Variants in NDC1 observed in about 807,000 individuals in gnomAD.
NDC1 encodes the protein nucleoporin NDC1.
A neutral mutation model predicts 89.8 loss-of-function variants in NDC1; 24 were observed. The ratio of observed to expected loss-of-function variants is 0.27; its 90% CI spans 0.19 to 0.38. The LOEUF (loss-of-function observed/expected upper bound fraction) is 0.38. NDC1 is among the 10% of genes least tolerant of loss of function. The pLI is 1.00. For missense variants in NDC1, 728 were observed against 797.6 expected, an observed-to-expected ratio of 0.91 and a Z score of 1.05; for synonymous variants, 296 against 284.8, an observed-to-expected ratio of 1.04 and a Z score of -0.39.
chr1:53,770,242 T>G (rs1218319955), intron 17 of NDC1, among the ~76,000 whole-genome samples: 3 of 152,148 alleles, frequency 2.0e-5, no homozygotes, highest in African/African-American at 7.2e-5. Flanking sequence ...ATGGCTCTTT[T>G]CAGAGAAAAG....
intron 6 of NDC1, among the ~76,000 whole-genome samples, chr1:53,811,361 C>T (rs369074431): frequency 1.4e-4 from 21 of 152,126 alleles, no homozygotes; most frequent in African/African-American, 3.9e-4. Flanking sequence ...AGCTGGGAGG[C>T]GGGTAGCCCA....
At chr1:53,827,968 G>A (rs750875300) in intron 4 of NDC1, 31 bp downstream of exon 4, 16 of 1,526,012 alleles carry the variant, frequency 1.0e-5, no homozygotes, top group African/African-American at 1.4e-5. Context: ...AAGTAAATGA[G>A]ATTCCTAAGG....
In NDC1 at chr1:53,796,931, C is replaced by G; in HGVS notation, c.1436G>C (p.Arg479Thr). The G allele has an allele frequency of 6.2e-7, 1 of 1,614,184 alleles. No individual in the cohort carries two copies. Among genetic ancestry groups the G allele is most frequent in the Non-Finnish European group, 8.5e-7 (1 of 1,180,022 alleles). The change falls in exon 12 of 18, where the codon AGA becomes ACA. Residue 479 changes from arginine (R) to threonine (T), a missense_variant. Transcript: ENST00000371429. The part of the protein sequence containing the change: ...YGSPQSPQLI[R>T]RGPRLWTSAS... ...TGATGTCCACAATCTTGGCCCCCTTCTTATTAGCTGAGGACTTTGCGGTGA... is the reference window on the plus strand; with the variant it reads ...TGATGTCCACAATCTTGGCCCCCTTGTTATTAGCTGAGGACTTTGCGGTGA...
intron 8 of NDC1, among the ~76,000 whole-genome samples, chr1:53,807,134 CT>C (rs907821203): frequency 2.2e-4 from 33 of 151,136 alleles, no homozygotes; most frequent in African/African-American, 7.5e-4. Flanking sequence ...GTAGTCCCAG[CT>C]ACTCGGGAAG....
At chr1:53,836,323 G>A (rs1340112420) in intron 1 of NDC1, among the ~76,000 whole-genome samples, 2 of 151,844 alleles carry the variant, frequency 1.3e-5, no homozygotes, top group African/African-American at 2.4e-5. Flanking sequence ...CAGGGTGGGC[G>A]GATCACTTGA....
At chr1:53,807,216 C>T (rs1282882420) in intron 8 of NDC1, among the ~76,000 whole-genome samples, 1 of 141,996 alleles carries the variant, frequency 7.0e-6, no homozygotes, top group Non-Finnish European at 1.5e-5. Flanking sequence ...CACTGCCCTC[C>T]AGCCTGGGTG....
chr1:53,804,851 T>C (rs1324718598), intron 9 of NDC1, among the ~76,000 whole-genome samples: 1 of 151,962 alleles, frequency 6.6e-6, no homozygotes, highest in Non-Finnish European at 1.5e-5. Context: ...TCCTTCAAGA[T>C]ACCATCCCTC....
chr1:53,778,842 G>A (rs567746130), intron 16 of NDC1, among the ~76,000 whole-genome samples: 3 of 151,418 alleles, frequency 2.0e-5, no homozygotes, highest in Admixed American at 2.0e-4. Flanking sequence ...CTTTTCTCCT[G>A]TATAAGAATT....
chr1:53,800,396 C>T (rs554174833), intron 11 of NDC1, among the ~76,000 whole-genome samples: 3 of 124,066 alleles, frequency 2.4e-5, no homozygotes, highest in East Asian at 2.7e-4. Context: ...AGTGCAATGG[C>T]ACAATCTCAG....
Position 53,835,697 on chromosome 1 carries a change from C to T in NDC1, c.58-77G>A. ...GTTATGCAAATCCTATCTTTTCATA[C>T]AGGATGTTAACCACTAACTCAGATC... is the stretch of plus-strand genomic sequence containing the variant. On this transcript the variant is annotated intron_variant, in intron 1 of 17. Coordinates refer to ENST00000371429, the MANE Select transcript of NDC1 (RefSeq NM_018087.5). The T allele has an allele frequency of 7.6e-6, 10 of 1,312,290 alleles. No individual in the cohort carries two copies. The South Asian group carries it at 1.1e-4, about 14-fold the overall frequency. 81.3% of individuals were successfully genotyped at this position (1,312,290 alleles called of 1,614,324 possible).
chr1:53,776,057 C>T (rs1292793526), intron 16 of NDC1, among the ~76,000 whole-genome samples: 2 of 150,962 alleles, frequency 1.3e-5, no homozygotes, highest in Admixed American at 1.3e-4. Context: ...CTGGTTCAAT[C>T]GATCCTCCCA....
intron 16 of NDC1, among the ~76,000 whole-genome samples, chr1:53,786,691 T>A (rs1045853539): frequency 6.6e-6 from 1 of 152,140 alleles, no homozygotes. Flanking sequence ...TTCCAAACTA[T>A]CTTTTAGTTT....
intron 9 of NDC1, 69 bp from the exon 10 acceptor site, chr1:53,804,078 T>C: frequency 9.4e-7 from 1 of 1,068,096 alleles, no homozygotes; most frequent in East Asian, 2.4e-5. Flanking sequence ...ACTAATTGGG[T>C]TCATCATTAT....
rs978215924 is a variant in NDC1, at chr1:53,822,263, G to A, written c.595-3184C>T. ...GCAGAAGAATTACTTGAACCTGGGA[G>A]GCGGAGGTTGCAGTGAGCCGGGACT... is the stretch of plus-strand genomic sequence containing the variant. On this transcript the variant is annotated intron_variant, in intron 5 of 17. Coordinates refer to ENST00000371429, the MANE Select transcript of NDC1 (RefSeq NM_018087.5). Among the ~76,000 whole-genome samples the A allele has an allele frequency of 5.9e-5, 9 of 152,262 alleles. 1 individual carries two copies. The highest frequency in any genetic ancestry group is 1.9e-4 in the African/African-American group (8 of 41,538).
At chr1:53,816,605 C>A (rs1321988563) in intron 6 of NDC1, among the ~76,000 whole-genome samples, 2 of 149,682 alleles carry the variant, frequency 1.3e-5, no homozygotes, top group Non-Finnish European at 3.0e-5. Context: ...TAGCTGGGAC[C>A]TAATTAAACT....
At chr1:53,817,724 T>C in intron 6 of NDC1, among the ~76,000 whole-genome samples, 1 of 152,156 alleles carries the variant, frequency 6.6e-6, no homozygotes, top group Non-Finnish European at 1.5e-5. Flanking sequence ...AAATGGACTA[T>C]ATAAACTACA....
At chr1:53,805,871 G>A (rs1338644569) in intron 9 of NDC1, among the ~76,000 whole-genome samples, 3 of 152,092 alleles carry the variant, frequency 2.0e-5, no homozygotes, top group Admixed American at 6.5e-5. Flanking sequence ...TCAGGAGATC[G>A]AGACCATCCT....
intron 16 of NDC1, among the ~76,000 whole-genome samples, chr1:53,775,797 A>G (rs1480700174): frequency 2.0e-5 from 3 of 152,146 alleles, no homozygotes; most frequent in Non-Finnish European, 4.4e-5. Flanking sequence ...TTATTATAAA[A>G]TACTGTGGGA....
At chr1:53,787,659 A>G (rs1486613984) in intron 15 of NDC1, among the ~76,000 whole-genome samples, 2 of 149,400 alleles carry the variant, frequency 1.3e-5, no homozygotes, top group Non-Finnish European at 1.5e-5. Context: ...TAAAATAAAT[A>G]AATAGATAAA....
Sources: gnomAD v4.1 joint callset for allele counts (sites outside exome capture counted in the v4.1 genomes callset) on GRCh38, gnomAD v4.1.1 for gene constraint, MANE v1.5 for transcripts, NCBI Gene and HGNC (gene_info 2026-07-23, HGNC 2026-07-21) for gene names.